Variants in GPT2 observed in about 807,000 individuals in gnomAD.
GPT2 encodes the protein alanine aminotransferase 2.
Under a neutral mutation model 56.9 loss-of-function variants are expected in GPT2, and 30 were observed. The observed-to-expected ratio is 0.53, with a 90% CI of 0.39 to 0.72. GPT2 has a LOEUF of 0.72. Among genes scored for constraint, GPT2 ranks in the 30% least tolerant of loss-of-function variants. GPT2 has a pLI of 0.00. For missense variants in GPT2, 542 were observed against 703.4 expected (o/e 0.77, Z 2.60); for synonymous variants, 271 against 283.1 (o/e 0.96, Z 0.43).
chr16:46,916,579 T>C (rs1311101729), intron 6 of GPT2, 49 bp from the exon 7 acceptor site: 2 of 1,428,494 alleles, frequency 1.4e-6, no homozygotes, highest in South Asian at 1.1e-5. Flanking sequence ...CTGGGGACAA[T>C]TTAAACAGCA....
At chr16:46,901,122 A>G (rs1232449031) in intron 4 of GPT2, among the ~76,000 whole-genome samples, 1 of 152,228 alleles carries the variant, frequency 6.6e-6, no homozygotes, top group Non-Finnish European at 1.5e-5. Context: ...GGCCAGGTAG[A>G]AACGCAGTGC....
chr16:46,919,347 A>G (rs1213543238), intron 8 of GPT2, among the ~76,000 whole-genome samples: 3 of 152,084 alleles, frequency 2.0e-5, no homozygotes, highest in African/African-American at 7.2e-5. Flanking sequence ...CGTCCCACGG[A>G]GAACAGTCAT....
chr16:46,927,089 T>C, intron 11 of GPT2, 52 bp downstream of exon 11: 2 of 1,160,762 alleles, frequency 1.7e-6, no homozygotes, highest in South Asian at 1.5e-5. Context: ...TCCAGGGAAA[T>C]GTGGACTTCT....
intron 2 of GPT2, among the ~76,000 whole-genome samples, chr16:46,892,708 T>A (rs1466580779): frequency 6.6e-6 from 1 of 152,236 alleles, no homozygotes; most frequent in African/African-American, 2.4e-5. Flanking sequence ...GTTGACGATT[T>A]GTGTGTCTTT....
intron 2 of GPT2, among the ~76,000 whole-genome samples, chr16:46,894,920 C>G (rs1008306694): frequency 6.6e-6 from 1 of 152,150 alleles, no homozygotes; most frequent in Non-Finnish European, 1.5e-5. Flanking sequence ...TCGCCTCAGC[C>G]TCCCAAAGTG....
intron 2 of GPT2, chr16:46,885,226 TTG>T: frequency 2.4e-6 from 3 of 1,227,530 alleles, no homozygotes; most frequent in Non-Finnish European, 2.0e-6. Context: ...GCACCGCACG[TTG>T]TGTGTCTGCC....
chr16:46,890,497 C>T (rs1045159345), intron 2 of GPT2, among the ~76,000 whole-genome samples: 2 of 152,116 alleles, frequency 1.3e-5, no homozygotes, highest in Non-Finnish European at 2.9e-5. Flanking sequence ...GCATGGGTGA[C>T]CAGTATTTGT....
At chr16:46,912,099 A>G (rs1017600972) in intron 6 of GPT2, among the ~76,000 whole-genome samples, 5 of 152,160 alleles carry the variant, frequency 3.3e-5, no homozygotes, top group African/African-American at 1.2e-4. Flanking sequence ...ACCTGTGATG[A>G]CCATATGTCT....
At chr16:46,919,934 C>T (rs1312913368) in intron 8 of GPT2, among the ~76,000 whole-genome samples, 1 of 152,148 alleles carries the variant, frequency 6.6e-6, no homozygotes, top group Non-Finnish European at 1.5e-5. Context: ...TGGCCAGGTG[C>T]AGTGGCTCAC....
chr16:46,909,793 T>C lies in GPT2; in HGVS notation c.686T>C (p.Ile229Thr). ...YSAVISELDA[I>T]QVNYYLDEEN... is the part of the protein sequence containing the mutation. ...GCTGTCATCTCTGAGCTCGACGCCA[T>C]CCAGGTGAATTACTACCTGGACGAG... Residue 229 changes from isoleucine to threonine, a missense_variant, in exon 6 of 12, where the codon ATC (isoleucine) becomes ACC (threonine). Coordinates refer to ENST00000340124, the MANE Select transcript of GPT2 (RefSeq NM_133443.4). 2 of 1,614,160 alleles carry C rather than the reference T, an allele frequency of 1.2e-6. No individual in the cohort carries two copies. Among genetic ancestry groups the C allele is most frequent in the Non-Finnish European group, 1.7e-6 (2 of 1,180,036 alleles).
chr16:46,899,017 ATATATATATATATATATATTT>A (rs1370547314), intron 3 of GPT2, among the ~76,000 whole-genome samples: 409 of 8,242 alleles, frequency 0.05, 5 homozygotes, highest in African/African-American at 0.087. Flanking sequence ...ATATATATAT[ATATATATATATATATATATTT>A]TTTTTTTTTT....
intron 2 of GPT2, chr16:46,885,245 TC>T: frequency 1.7e-6 from 2 of 1,183,098 alleles, no homozygotes; most frequent in East Asian, 7.6e-5. Context: ...TGCCCTACTC[TC>T]GTGGAACCAA....
At chr16:46,908,235 G>T (rs12934580) in intron 5 of GPT2, among the ~76,000 whole-genome samples, 118,564 of 146,386 alleles carry the variant, frequency 0.81, 49,127 homozygotes, top group East Asian at 0.99. Flanking sequence ...GTCCTTGCGG[G>T]GGACTGGTGG....
In GPT2 at chr16:46,925,504, T is replaced by G. The variant is rs1961389261; in HGVS notation, c.1368+960T>G. The stretch of plus-strand genomic sequence containing the variant: ...CTGAGTACCTTGTTAAACACCCAAG[T>G]CTAGGCCCCATCCTAGACCTACAGA... On this transcript the variant is annotated intron_variant, in intron 10 of 11. Transcript: ENST00000340124. 4.6e-5 allele frequency among the ~76,000 whole-genome samples: 7 copies of G among 152,088 alleles called. No individual in the cohort carries two copies. In the South Asian group the frequency reaches 1.5e-3, roughly 32 times the overall value.
chr16:46,884,974 G>C lies in GPT2; in HGVS notation c.243+16G>C. On this transcript the variant is annotated intron_variant, in intron 2 of 11. Coordinates refer to ENST00000340124, the MANE Select transcript of GPT2 (RefSeq NM_133443.4). ...GCTGCAGCGGGTGAGCGCGCGCTGG[G>C]CCCCGGGGAGGCTGGGGCCGCTGAG... The C allele has an allele frequency of 6.8e-7, 1 of 1,468,150 alleles. No individual in the cohort carries two copies. Among genetic ancestry groups the C allele is most frequent in the Non-Finnish European group, 9.1e-7 (1 of 1,102,144 alleles). 90.9% of individuals were successfully genotyped at this position (1,468,150 alleles called of 1,614,324 possible).
intron 3 of GPT2, among the ~76,000 whole-genome samples, 190 bp from the exon 4 acceptor site, chr16:46,900,492 C>T (rs1004471821): frequency 1.3e-5 from 2 of 152,206 alleles, no homozygotes; most frequent in Non-Finnish European, 2.9e-5. Context: ...CTCTCAACTT[C>T]TCCCCTTCTG....
At chr16:46,902,699 C>T (rs567299867) in intron 4 of GPT2, among the ~76,000 whole-genome samples, 16 of 152,238 alleles carry the variant, frequency 1.1e-4, no homozygotes, top group African/African-American at 3.1e-4. Flanking sequence ...GATCTTGGTT[C>T]ACTGCAACCT....
At chr16:46,888,564 G>A (rs1224525506) in intron 2 of GPT2, among the ~76,000 whole-genome samples, 1 of 152,046 alleles carries the variant, frequency 6.6e-6, no homozygotes, top group African/African-American at 2.4e-5. Context: ...GGCCAGGCTG[G>A]TCTTGAACTC....
intron 7 of GPT2, among the ~76,000 whole-genome samples, chr16:46,917,217 C>T (rs1961186584): frequency 6.6e-6 from 1 of 152,128 alleles, no homozygotes; most frequent in Admixed American, 6.6e-5. Context: ...GTAGGGGTTC[C>T]AGTATGCAGA....
Sources: gnomAD v4.1 joint callset for allele counts (sites outside exome capture counted in the v4.1 genomes callset) on GRCh38, gnomAD v4.1.1 for gene constraint, MANE v1.5 for transcripts, NCBI Gene and HGNC (gene_info 2026-07-23, HGNC 2026-07-21) for gene names.